Variants in PEPD observed in about 807,000 individuals in gnomAD.
PEPD encodes xaa-Pro dipeptidase.
In PEPD, 53 loss-of-function variants were observed where a neutral mutation model predicts 60.7. The ratio of observed to expected loss-of-function variants is 0.87; its 90% CI spans 0.70 to 1.10. The LOEUF (loss-of-function observed/expected upper bound fraction) is 1.10, where lower values mean the gene tolerates loss of function less well. Among genes scored for constraint, PEPD ranks in the 50% least tolerant of loss-of-function variants. PEPD has a pLI of 0.00. For missense variants in PEPD, 711 were observed against 711.9 expected, an observed-to-expected ratio of 1.00 and a Z score of 0.01; for synonymous variants, 267 against 284.1, an observed-to-expected ratio of 0.94 and a Z score of 0.60.
intron 1 of PEPD, among the ~76,000 whole-genome samples, chr19:33,520,341 C>T (rs1023165324): frequency 2.6e-5 from 4 of 152,230 alleles, no homozygotes; most frequent in African/African-American, 7.2e-5. Flanking sequence ...CCCTGAGTTC[C>T]TTGACACCCA....
intron 3 of PEPD, 143 bp downstream of exon 3, chr19:33,510,885 C>T: frequency 1.2e-6 from 1 of 836,568 alleles, no homozygotes; most frequent in Non-Finnish European, 1.9e-6. Flanking sequence ...CAGGCTGTGA[C>T]AGCCCTGACC....
chr19:33,505,799 C>A (rs895684187), intron 3 of PEPD, among the ~76,000 whole-genome samples: 4 of 132,922 alleles, frequency 3.0e-5, no homozygotes, highest in African/African-American at 1.0e-4. Flanking sequence ...CCCACATACA[C>A]CCTCATCACA....
chr19:33,449,730 G>A (rs897148937), intron 9 of PEPD, among the ~76,000 whole-genome samples: 9 of 145,534 alleles, frequency 6.2e-5, no homozygotes, highest in Admixed American at 2.8e-4. Context: ...ATAGACTATC[G>A]CAGGTGCTCA....
intron 4 of PEPD, among the ~76,000 whole-genome samples, chr19:33,496,027 C>A (rs1555768962): frequency 6.6e-6 from 1 of 151,996 alleles, no homozygotes; most frequent in Non-Finnish European, 1.5e-5. Context: ...CAGCTGTGTC[C>A]CTACACACCC....
rs1176296077 is a variant in PEPD, at chr19:33,521,747, G to A, written c.14C>T (p.Thr5Ile). 9.5e-6 allele frequency: 15 copies of A among 1,577,874 alleles called. No individual in the cohort carries two copies. Among genetic ancestry groups the A allele is most frequent in the African/African-American group, 4.0e-5 (3 of 74,278 alleles). The change falls in exon 1 of 15, where the codon ACC becomes ATC. Residue 5 changes from threonine to isoleucine, a missense_variant. Coordinates refer to ENST00000244137, the MANE Select transcript of PEPD (RefSeq NM_000285.4). ...GCGAGGGAGGCGCAGCACTCACCCG[G>A]TGGCCGCCGCCATGTTCGCCCGGCA... MAAA[T>I]GPSFWLGNET...
At chr19:33,438,381 T>C (rs1377843487) in intron 9 of PEPD, among the ~76,000 whole-genome samples, 2 of 152,222 alleles carry the variant, frequency 1.3e-5, no homozygotes, top group East Asian at 3.9e-4. Context: ...CCAGGGTGAC[T>C]CTTGTGGTTG....
chr19:33,410,786 G>GAAAT (rs1370519549), intron 11 of PEPD, among the ~76,000 whole-genome samples: 1 of 150,918 alleles, frequency 6.6e-6, no homozygotes, highest in African/African-American at 2.5e-5. Flanking sequence ...TGACCACAGT[G>GAAAT]AAATGTCTGG....
intron 4 of PEPD, among the ~76,000 whole-genome samples, chr19:33,500,032 T>C (rs576047272): frequency 7.2e-5 from 11 of 152,378 alleles, no homozygotes; most frequent in Admixed American, 3.3e-4. Flanking sequence ...ACTTCCACAC[T>C]GCAGCCCCGG....
chr19:33,396,016 G>T (rs1968350725), intron 12 of PEPD: 1 of 152,436 alleles, frequency 6.6e-6, no homozygotes. Flanking sequence ...GGCCCAGGCT[G>T]CTCCTCGAGT....
chr19:33,408,637 A>C (rs1968695146), intron 11 of PEPD, among the ~76,000 whole-genome samples: 1 of 152,192 alleles, frequency 6.6e-6, no homozygotes, highest in Non-Finnish European at 1.5e-5. Flanking sequence ...CTAGAAGCTA[A>C]AATATCTCTG....
intron 9 of PEPD, among the ~76,000 whole-genome samples, chr19:33,443,176 G>C (rs987635321): frequency 6.6e-6 from 1 of 152,234 alleles, no homozygotes; most frequent in Non-Finnish European, 1.5e-5. Context: ...ATCACACAGC[G>C]TGTGGCTCTC....
rs926145687 is a variant in PEPD at position 33,465,605 on chromosome 19, C to T, written c.549-1543G>A. 7.3e-4 allele frequency among the ~76,000 whole-genome samples: 111 copies of T among 152,156 alleles called. 6 individuals are homozygous for T. Among genetic ancestry groups the T allele is most frequent in the African/African-American group, 7.2e-5 (3 of 41,436 alleles). On this transcript the variant is annotated intron_variant, in intron 7 of 14. Transcript: ENST00000244137. ...CAGCATCGCAGCCCAAGCCTGCTCC[C>T]TTACTCTGACACACACGCTGATCCT...
In PEPD at chr19:33,431,992, C is replaced by CAAAAAAAAAA. The variant is rs906879187; in HGVS notation, c.672-18359_672-18350dup. 7.8e-3 allele frequency among the ~76,000 whole-genome samples: 603 copies of CAAAAAAAAAA among 77,788 alleles called. 28 individuals are homozygous for CAAAAAAAAAA. The highest frequency in any genetic ancestry group is 0.01 in the African/African-American group (216 of 21,080). 51.0% of individuals were successfully genotyped at this position (77,788 alleles called of 152,430 possible). A position where few individuals can be genotyped will look rare whatever the true frequency, so the allele number is the denominator to read the frequency against. On this transcript the variant is annotated intron_variant, in intron 9 of 14. Transcript: ENST00000244137. ...TGGGTAACAGAGCAAGACACCACCT[C>CAAAAAAAAAA]AAAAAAAAAAAAAAAAAAGGGAAGA...
chr19:33,460,729 C>T (rs555005311), intron 9 of PEPD, among the ~76,000 whole-genome samples: 3 of 152,296 alleles, frequency 2.0e-5, no homozygotes, highest in South Asian at 2.1e-4. Context: ...CAGGTACACA[C>T]GCTGACCCGA....
chr19:33,449,658 G>T (rs779870396), intron 9 of PEPD, among the ~76,000 whole-genome samples: 3 of 152,152 alleles, frequency 2.0e-5, no homozygotes, highest in Non-Finnish European at 2.9e-5. Context: ...TGAGGAGGAG[G>T]AATTTCAAAG....
At chr19:33,435,020 G>T (rs575752352) in intron 9 of PEPD, among the ~76,000 whole-genome samples, 1 of 152,314 alleles carries the variant, frequency 6.6e-6, no homozygotes, top group South Asian at 2.1e-4. Flanking sequence ...AAAGATCAAA[G>T]TGTGAGCCGG....
At chr19:33,476,378 C>A (rs985550103) in intron 7 of PEPD, among the ~76,000 whole-genome samples, 3 of 152,232 alleles carry the variant, frequency 2.0e-5, no homozygotes, top group Non-Finnish European at 4.4e-5. Context: ...AGTCCCAGAT[C>A]TGCCCCGGTA....
chr19:33,456,362 G>T (rs1405487638), intron 9 of PEPD, among the ~76,000 whole-genome samples: 1 of 152,148 alleles, frequency 6.6e-6, no homozygotes, highest in East Asian at 1.9e-4. Flanking sequence ...CTTGGGAAGG[G>T]CTCAGCTTAA....
At chr19:33,454,529 G>T (rs1274516229) in intron 9 of PEPD, among the ~76,000 whole-genome samples, 1 of 151,916 alleles carries the variant, frequency 6.6e-6, no homozygotes, top group South Asian at 2.1e-4. Flanking sequence ...TTGAGCCCAG[G>T]ACGTGGAGGT....
Sources: allele counts gnomAD v4.1 joint callset (sites outside exome capture counted in the v4.1 genomes callset), GRCh38; gene constraint gnomAD v4.1.1; transcripts MANE v1.5; gene names NCBI Gene and HGNC (gene_info 2026-07-23, HGNC 2026-07-21).